Variants in ARHGAP15 observed in about 807,000 individuals in gnomAD.
The protein encoded by ARHGAP15 is Rho GTPase activating protein 15.
Under a neutral mutation model 63.7 loss-of-function variants are expected in ARHGAP15, and 51 were observed. That is an observed-to-expected ratio of 0.80 (90% CI 0.64 to 1.01). The LOEUF (loss-of-function observed/expected upper bound fraction) is 1.01, where lower values mean the gene tolerates loss of function less well. Ranked by LOEUF, ARHGAP15 falls within the 50% of genes least tolerant of loss-of-function variation. The probability of loss-of-function intolerance (pLI) is 0.00; values close to 1 mark genes in which losing one functional copy is unlikely to be tolerated. For missense variants in ARHGAP15, 560 were observed against 564.6 expected (o/e 0.99, Z 0.08); for synonymous variants, 191 against 193.8 (o/e 0.99, Z 0.12).
chr2:143,220,504 C>T (rs1692948044), intron 4 of ARHGAP15, among the ~76,000 whole-genome samples: 1 of 152,152 alleles, frequency 6.6e-6, no homozygotes, highest in South Asian at 2.1e-4. Context: ...AGCAATAGCA[C>T]CCAGCCTTCT....
chr2:143,564,385 C>G (rs867333930), intron 11 of ARHGAP15, among the ~76,000 whole-genome samples: 1 of 152,240 alleles, frequency 6.6e-6, no homozygotes, highest in South Asian at 2.1e-4. Flanking sequence ...TAGAACCTGA[C>G]TGCCATAAGA....
chr2:143,505,813 T>C (rs1693287253), intron 9 of ARHGAP15, among the ~76,000 whole-genome samples: 1 of 152,188 alleles, frequency 6.6e-6, no homozygotes, highest in African/African-American at 2.4e-5. Flanking sequence ...GACTAAAGAA[T>C]GCCTTTAACA....
chr2:143,729,521 A>G (rs28396876), intron 13 of ARHGAP15, among the ~76,000 whole-genome samples: 42,471 of 152,150 alleles, frequency 0.28, 7,212 homozygotes, highest in Non-Finnish European at 0.38. Context: ...GCCTACTTCT[A>G]TTGAAACAGC....
chr2:143,534,450 G>T (rs1694660508), intron 10 of ARHGAP15, among the ~76,000 whole-genome samples: 2 of 152,194 alleles, frequency 1.3e-5, no homozygotes, highest in Non-Finnish European at 2.9e-5. Context: ...AACTGCAGGA[G>T]AGTGATACGG....
chr2:143,314,270 T>TA (rs1683594581), intron 6 of ARHGAP15, among the ~76,000 whole-genome samples: 1 of 152,198 alleles, frequency 6.6e-6, no homozygotes, highest in African/African-American at 2.4e-5. Context: ...TATTTTTAAT[T>TA]AAAAAATTAC....
chr2:143,274,297 AGTTT>A (rs972698182), intron 6 of ARHGAP15, among the ~76,000 whole-genome samples: 30 of 152,224 alleles, frequency 2.0e-4, no homozygotes, highest in African/African-American at 7.0e-4. Flanking sequence ...TTTAATAACT[AGTTT>A]GTTTCCACAG....
At chr2:143,624,847 T>C (rs1176450762) in intron 12 of ARHGAP15, among the ~76,000 whole-genome samples, 1 of 152,082 alleles carries the variant, frequency 6.6e-6, no homozygotes, top group Non-Finnish European at 1.5e-5. Context: ...AGAGAGTGAG[T>C]TATATCTACT....
At chr2:143,525,315 A>G (rs75473353) in intron 10 of ARHGAP15, among the ~76,000 whole-genome samples, 1 of 151,808 alleles carries the variant, frequency 6.6e-6, no homozygotes, top group Non-Finnish European at 1.5e-5. Flanking sequence ...AGTAAAAAAA[A>G]GTAACAAAAA....
intron 12 of ARHGAP15, among the ~76,000 whole-genome samples, chr2:143,679,667 G>C (rs1323572324): frequency 2.8e-5 from 4 of 144,862 alleles, no homozygotes; most frequent in Admixed American, 6.7e-5. Flanking sequence ...GTGTGTGTGT[G>C]TGTGTGTGTG....
intron 2 of ARHGAP15, among the ~76,000 whole-genome samples, chr2:143,185,515 AC>A (rs1691407666): frequency 6.6e-6 from 1 of 152,096 alleles, no homozygotes; most frequent in Non-Finnish European, 1.5e-5. Flanking sequence ...TAGGAGTGCT[AC>A]CCCAATCCTA....
At chr2:143,744,528 A>G (rs1686085587) in intron 13 of ARHGAP15, among the ~76,000 whole-genome samples, 1 of 152,210 alleles carries the variant, frequency 6.6e-6, no homozygotes, top group Admixed American at 6.5e-5. Flanking sequence ...AGCTTCTATA[A>G]ATCAGGAGTG....
At chr2:143,499,601 T>C (rs139114793) in intron 9 of ARHGAP15, among the ~76,000 whole-genome samples, 1 of 152,290 alleles carries the variant, frequency 6.6e-6, no homozygotes, top group African/African-American at 2.4e-5. Context: ...TAAATTTTGA[T>C]GAAGTGGGTT....
chr2:143,229,094 C>T (rs888761986), intron 5 of ARHGAP15, among the ~76,000 whole-genome samples: 8 of 151,332 alleles, frequency 5.3e-5, no homozygotes, highest in Admixed American at 1.3e-4. Context: ...TATTATAAGA[C>T]GTAAATCATA....
chr2:143,602,816 C>T (rs1697825771), intron 11 of ARHGAP15, among the ~76,000 whole-genome samples: 1 of 152,098 alleles, frequency 6.6e-6, no homozygotes, highest in South Asian at 2.1e-4. Flanking sequence ...TGTTATTCCT[C>T]CAATACAAAC....
intron 11 of ARHGAP15, among the ~76,000 whole-genome samples, chr2:143,558,802 G>A (rs184684461): frequency 2.5e-4 from 38 of 152,238 alleles, no homozygotes; most frequent in East Asian, 5.8e-4. Flanking sequence ...TTCAACTTGG[G>A]TTGAACCAGT....
chr2:143,495,968 C>A (rs929905174), intron 9 of ARHGAP15, among the ~76,000 whole-genome samples: 1 of 152,216 alleles, frequency 6.6e-6, no homozygotes, highest in Non-Finnish European at 1.5e-5. Flanking sequence ...CACTAATGTG[C>A]TTAAAAATAT....
rs570235685 is a variant in ARHGAP15, at chr2:143,542,752, TATA to T, written c.926-13652_926-13650del. On this transcript the variant is annotated intron_variant, in intron 10 of 13. Transcript: ENST00000295095. ...ACATATATAATATATATATGATATA[TATA>T]ATATCACATATATAATATATATATG... Among the ~76,000 whole-genome samples the T allele has an allele frequency of 9.2e-4, 91 of 98,504 alleles. 1 individual carries two copies. The highest frequency in any genetic ancestry group is 2.7e-3 in the African/African-American group (90 of 32,972). 64.6% of individuals were successfully genotyped at this position (98,504 alleles called of 152,430 possible).
chr2:143,362,485 C>A (rs1226701406), intron 6 of ARHGAP15, among the ~76,000 whole-genome samples: 4 of 152,278 alleles, frequency 2.6e-5, no homozygotes, highest in South Asian at 2.1e-4. Flanking sequence ...TGATCTTCAA[C>A]CCCTTTATTT....
intron 6 of ARHGAP15, among the ~76,000 whole-genome samples, chr2:143,345,046 C>T (rs1048754660): frequency 1.3e-5 from 2 of 152,036 alleles, no homozygotes; most frequent in African/African-American, 4.8e-5. Context: ...ACAAATCACA[C>T]CAGCAGTTCA....
Sources: gnomAD v4.1 joint callset for allele counts (sites outside exome capture counted in the v4.1 genomes callset) on GRCh38, gnomAD v4.1.1 for gene constraint, MANE v1.5 for transcripts, NCBI Gene and HGNC (gene_info 2026-07-23, HGNC 2026-07-21) for gene names.